Variants in SNRNP40 observed in about 807,000 individuals in gnomAD.
The protein encoded by SNRNP40 is U5 small nuclear ribonucleoprotein 40 kDa protein.
In SNRNP40, 21 loss-of-function variants were observed where a neutral mutation model predicts 45.8. That is an observed-to-expected ratio of 0.46 (90% confidence interval 0.32 to 0.66). SNRNP40 has a LOEUF of 0.66. Among genes scored for constraint, SNRNP40 ranks in the 30% least tolerant of loss-of-function variants. The pLI is 0.03. For missense variants in SNRNP40, 344 were observed against 439.1 expected (o/e 0.78, Z 1.94); for synonymous variants, 142 against 163.8 (o/e 0.87, Z 1.01).
At chr1:31,262,613 C>T (rs769480112) in intron 8 of SNRNP40, among the ~76,000 whole-genome samples, 25 of 150,058 alleles carry the variant, frequency 1.7e-4, no homozygotes, top group Non-Finnish European at 3.2e-4. Context: ...GGCACAGTGA[C>T]GTTTCCAAGG....
At chr1:31,263,605 G>C (rs573000514) in intron 8 of SNRNP40, 4 of 466,076 alleles carry the variant, frequency 8.6e-6, no homozygotes, top group Non-Finnish European at 1.7e-5. Context: ...TGAGTGAACT[G>C]CTGAGATTTT....
chr1:31,285,072 G>A (rs897581498), intron 4 of SNRNP40, among the ~76,000 whole-genome samples: 7 of 152,144 alleles, frequency 4.6e-5, no homozygotes, highest in Non-Finnish European at 1.0e-4. Context: ...AGTCATGGTA[G>A]TCAAAGTTTG....
rs182817450 is a variant in SNRNP40 at position 31,294,621 on chromosome 1, G to A, written c.142-1273C>T. 1.4e-3 allele frequency among the ~76,000 whole-genome samples: 214 copies of A among 151,214 alleles called. 1 individual carries two copies. Among genetic ancestry groups the A allele is most frequent in the African/African-American group, 4.1e-3 (171 of 41,254 alleles). On this transcript the variant is annotated intron_variant, in intron 1 of 9. Coordinates refer to ENST00000263694, the MANE Select transcript of SNRNP40 (RefSeq NM_004814.3). ...ATTACAGGCACCCACCACCAAGCCC[G>A]GCCAGATTCATTTAGTTTTAAAAAA...
At chr1:31,273,889 T>C (rs779269738) in intron 5 of SNRNP40, among the ~76,000 whole-genome samples, 2 of 151,878 alleles carry the variant, frequency 1.3e-5, no homozygotes, top group African/African-American at 4.8e-5. Flanking sequence ...GGAACAGAGA[T>C]GAGAGTGAGA....
Position 31,283,289 on chromosome 1 carries a change from T to G in SNRNP40, c.532-1793A>C, listed in dbSNP as rs1432787344. Reference sequence around the variant, plus strand: ...GTCACACAGGACAAAGAATACAAACTTTACAAAATTAGTTCAAAAATTCAC... The same window carrying G: ...GTCACACAGGACAAAGAATACAAACGTTACAAAATTAGTTCAAAAATTCAC... On this transcript the variant is annotated intron_variant, in intron 4 of 9. Coordinates refer to ENST00000263694, the MANE Select transcript of SNRNP40 (RefSeq NM_004814.3). Among the ~76,000 whole-genome samples the G allele has an allele frequency of 3.9e-5, 6 of 152,160 alleles. No individual in the cohort carries two copies. In the East Asian group the frequency reaches 1.2e-3, roughly 29 times the overall value.
rs929877391 is a variant in SNRNP40 at position 31,281,492 on chromosome 1, C to G, written c.536G>C (p.Trp179Ser). ...GATGGCTGCTTTCTTCCGGATGTCC[C>G]AAAGCTGAAGCAAAGGACAAGACAG... ...TGSDDGTVKLWDIRKKAAIQT... is the reference protein window; with the variant it reads ...TGSDDGTVKLSDIRKKAAIQT... The change falls in exon 5 of 10, where the codon TGG becomes TCG. Residue 179 changes from tryptophan (W) to serine (S), a missense_variant. Trp to Ser is a radical substitution (Grantham distance 177). Coordinates refer to ENST00000263694, the MANE Select transcript of SNRNP40 (RefSeq NM_004814.3). The G allele has an allele frequency of 6.2e-6, 10 of 1,602,960 alleles. No individual in the cohort carries two copies. Among genetic ancestry groups the G allele is most frequent in the Non-Finnish European group, 8.5e-6 (10 of 1,170,928 alleles).
At chr1:31,292,521 A>C (rs1056533194) in intron 2 of SNRNP40, among the ~76,000 whole-genome samples, 1 of 152,188 alleles carries the variant, frequency 6.6e-6, no homozygotes, top group African/African-American at 2.4e-5. Flanking sequence ...CATCCAAATC[A>C]AAATGGGCAG....
intron 1 of SNRNP40, among the ~76,000 whole-genome samples, chr1:31,295,528 T>A (rs1646141880): frequency 6.6e-6 from 1 of 151,816 alleles, no homozygotes; most frequent in Non-Finnish European, 1.5e-5. Flanking sequence ...GGACAGCAAA[T>A]GCAAAGGTCC....
intron 8 of SNRNP40, among the ~76,000 whole-genome samples, chr1:31,266,389 A>G (rs1645897079): frequency 6.6e-6 from 1 of 152,190 alleles, no homozygotes; most frequent in Non-Finnish European, 1.5e-5. Flanking sequence ...ACACTGCCCA[A>G]TGAGAGCTAA....
chr1:31,281,516 A>G lies in SNRNP40; in HGVS notation c.532-20T>C. 1 of 1,585,482 alleles carries G rather than the reference A, an allele frequency of 6.3e-7. No homozygotes were observed. Among genetic ancestry groups the G allele is most frequent in the Non-Finnish European group, 8.6e-7 (1 of 1,157,546 alleles). On this transcript the variant is annotated intron_variant, in intron 4 of 9. Coordinates refer to ENST00000263694, the MANE Select transcript of SNRNP40 (RefSeq NM_004814.3). ...CCAAAGCTGAAGCAAAGGACAAGAC[A>G]GTCTATCAGCAACATCATTCTAAGA... is the stretch of plus-strand genomic sequence containing the variant.
rs750211298 is a variant in SNRNP40 at position 31,291,925 on chromosome 1, T to C, written c.353A>G (p.Asn118Ser). Residue 118 changes from asparagine to serine, a missense_variant, in exon 3 of 10, where the codon AAC (asparagine) becomes AGC (serine). Coordinates refer to ENST00000263694, the MANE Select transcript of SNRNP40 (RefSeq NM_004814.3). ...HSGAVMELHY[N>S]TDGSMLFSAS... The stretch of plus-strand genomic sequence containing the variant: ...GCAGAATACTCACCTGCCATCTGTG[T>C]TGTAATGCAATTCCATCACTGCTCC... 136 of 1,606,980 alleles carry C rather than the reference T, an allele frequency of 8.5e-5. No homozygotes were observed. Among genetic ancestry groups the C allele is most frequent in the Admixed American group, 1.2e-4 (7 of 59,992 alleles).
chr1:31,284,371 A>G (rs1387691957), intron 4 of SNRNP40, among the ~76,000 whole-genome samples: 7 of 152,352 alleles, frequency 4.6e-5, no homozygotes, highest in Middle Eastern at 3.4e-3. Flanking sequence ...GCTGGTCTCG[A>G]ACTCCTGACC....
intron 4 of SNRNP40, among the ~76,000 whole-genome samples, chr1:31,288,667 C>CTTTCTTTTTTTTTTTTTTTT (rs36074142): frequency 8.5e-6 from 1 of 117,180 alleles, no homozygotes; most frequent in African/African-American, 3.5e-5. Flanking sequence ...TCAGAACAGC[C>CTTTCTTTTTTTTTTTTTTTT]TTTTTTTTTT....
At chr1:31,269,620 A>G in intron 6 of SNRNP40, 1 of 367,972 alleles carries the variant, frequency 2.7e-6, no homozygotes, top group Non-Finnish European at 4.8e-6. Context: ...TACTGTGACA[A>G]TGAACTTATA....
chr1:31,271,161 T>C, intron 6 of SNRNP40: 1 of 453,478 alleles, frequency 2.2e-6, no homozygotes, highest in Non-Finnish European at 3.9e-6. Flanking sequence ...TAAAGTCCAA[T>C]CTTCTTATCA....
At chr1:31,287,535 T>C (rs973984864) in intron 4 of SNRNP40, among the ~76,000 whole-genome samples, 1 of 152,212 alleles carries the variant, frequency 6.6e-6, no homozygotes, top group Admixed American at 6.5e-5. Flanking sequence ...TTTCCACCTC[T>C]TACTATCTTC....
chr1:31,279,146 T>C lies in SNRNP40; in HGVS notation c.654+2228A>G, dbSNP rs928661518. Among the ~76,000 whole-genome samples, 5 of 151,962 alleles carry C rather than the reference T, an allele frequency of 3.3e-5. No individual in the cohort carries two copies. The East Asian group carries it at 7.7e-4, about 23-fold the overall frequency. On this transcript the variant is annotated intron_variant, in intron 5 of 9. Coordinates refer to ENST00000263694, the MANE Select transcript of SNRNP40 (RefSeq NM_004814.3). ...AAAATCTCCAGGGTATTCCTCTAAGTATTAAGAGTATAATTCTAGAATGAA... is the reference window on the plus strand; with the variant it reads ...AAAATCTCCAGGGTATTCCTCTAAGCATTAAGAGTATAATTCTAGAATGAA...
chr1:31,285,761 G>C (rs1646053280), intron 4 of SNRNP40, among the ~76,000 whole-genome samples: 1 of 152,092 alleles, frequency 6.6e-6, no homozygotes, highest in South Asian at 2.1e-4. Flanking sequence ...AACTTTCCTT[G>C]AGTTTTATGA....
chr1:31,260,662 G>C (rs1645851980), intron 9 of SNRNP40, among the ~76,000 whole-genome samples: 2 of 151,572 alleles, frequency 1.3e-5, no homozygotes, highest in African/African-American at 4.9e-5. Flanking sequence ...AGGAGTTTGA[G>C]ACCAGCCTGG....
Sources: gnomAD v4.1 joint callset for allele counts (sites outside exome capture counted in the v4.1 genomes callset) on GRCh38, gnomAD v4.1.1 for gene constraint, MANE v1.5 for transcripts, NCBI Gene and HGNC (gene_info 2026-07-23, HGNC 2026-07-21) for gene names.